Variants in TMEM116 observed in about 807,000 individuals in gnomAD.
The protein encoded by TMEM116 is transmembrane protein 116.
In TMEM116, 38 loss-of-function variants were observed where a neutral mutation model predicts 44.3. The ratio of observed to expected loss-of-function variants is 0.86; its 90% CI spans 0.66 to 1.12. The LOEUF is 1.12. Ranked by LOEUF, TMEM116 falls within the 50% of genes most tolerant of loss-of-function variation. The pLI is 0.00. For synonymous variants in TMEM116, 132 were observed against 144.8 expected, an observed-to-expected ratio of 0.91 and a Z score of 0.64; for missense variants, 354 against 401.7, an observed-to-expected ratio of 0.88 and a Z score of 1.01.
chr12:111,963,666 G>C (rs989149210), intron 4 of TMEM116, among the ~76,000 whole-genome samples: 12 of 152,108 alleles, frequency 7.9e-5, no homozygotes, highest in Non-Finnish European at 1.6e-4. Flanking sequence ...GGGCCTGTCA[G>C]GGGGTTGGGG....
intron 3 of TMEM116, 103 bp from the exon 4 acceptor site, chr12:111,991,992 C>G: frequency 7.9e-7 from 1 of 1,260,150 alleles, no homozygotes; most frequent in Non-Finnish European, 1.1e-6. Flanking sequence ...AAACTGACAT[C>G]ATTTTTCTGG....
chr12:111,970,323 G>A (rs2075258792), intron 4 of TMEM116, among the ~76,000 whole-genome samples: 2 of 151,602 alleles, frequency 1.3e-5, no homozygotes, highest in Non-Finnish European at 2.9e-5. Flanking sequence ...CTCCAAAATG[G>A]AAAACATGGG....
chr12:111,988,959 T>G (rs943909785), intron 4 of TMEM116, among the ~76,000 whole-genome samples: 3 of 152,012 alleles, frequency 2.0e-5, no homozygotes, highest in Non-Finnish European at 4.4e-5. Flanking sequence ...GCCATTGCAC[T>G]CCAGCCTGGG....
intron 4 of TMEM116, among the ~76,000 whole-genome samples, chr12:111,960,260 C>T (rs542835296): frequency 4.6e-5 from 7 of 151,870 alleles, no homozygotes; most frequent in South Asian, 4.2e-4. Flanking sequence ...GAGGCTGAGG[C>T]GGGTAGATCA....
At chr12:111,979,112 A>G (rs1241368632) in intron 4 of TMEM116, among the ~76,000 whole-genome samples, 6 of 152,206 alleles carry the variant, frequency 3.9e-5, no homozygotes, top group African/African-American at 9.7e-5. Context: ...ACCTAGATCC[A>G]TGATCCATGA....
chr12:111,977,090 C>T (rs1037203345), intron 4 of TMEM116, among the ~76,000 whole-genome samples: 3 of 152,046 alleles, frequency 2.0e-5, no homozygotes, highest in African/African-American at 7.2e-5. Flanking sequence ...AAATTAATGA[C>T]AGACACCAAA....
At chr12:111,965,745 G>A (rs774764893) in intron 4 of TMEM116, 13 of 383,902 alleles carry the variant, frequency 3.4e-5, no homozygotes, top group Middle Eastern at 5.0e-4. Context: ...CAAACATGGC[G>A]AAACCCCGTC....
chr12:111,980,260 C>T (rs963100002), intron 4 of TMEM116, among the ~76,000 whole-genome samples: 4 of 152,062 alleles, frequency 2.6e-5, no homozygotes, highest in African/African-American at 9.7e-5. Flanking sequence ...TATTAAGACA[C>T]TAAAAGACCT....
intron 4 of TMEM116, among the ~76,000 whole-genome samples, chr12:111,972,076 GAA>G (rs762088997): frequency 1.9e-4 from 11 of 57,534 alleles, no homozygotes; most frequent in African/African-American, 4.4e-4. Context: ...CCCTATCTGT[GAA>G]AAAAAAAAAA....
chr12:112,006,489 A>G (rs1463261781), intron 1 of TMEM116, among the ~76,000 whole-genome samples: 1 of 152,256 alleles, frequency 6.6e-6, no homozygotes, highest in Non-Finnish European at 1.5e-5. Flanking sequence ...TTTTAGTAAT[A>G]CTAGTGAAAA....
chr12:111,990,254 C>CA lies in TMEM116; in HGVS notation c.210+1503dup, dbSNP rs1298645737. ...TCAGCGACAGAGCGAGACTCCGCCT[C>CA]AAAAAAAAAAAAAAAGGTAACATTA... On this transcript the variant is annotated intron_variant, in intron 4 of 10. Coordinates refer to ENST00000552374, the MANE Select transcript of TMEM116 (RefSeq NM_001193531.2). 7.7e-3 allele frequency among the ~76,000 whole-genome samples: 632 copies of CA among 81,906 alleles called. 1 individual carries two copies. Among genetic ancestry groups the CA allele is most frequent in the African/African-American group, 0.022 (463 of 20,782 alleles). The allele number at this position is 81,906 out of a possible 152,430, so 53.7% of individuals were successfully genotyped here. A position where few individuals can be genotyped will look rare whatever the true frequency, so the allele number is the denominator to read the frequency against.
chr12:111,968,918 G>A (rs1171258371), intron 4 of TMEM116, among the ~76,000 whole-genome samples: 1 of 150,646 alleles, frequency 6.6e-6, no homozygotes, highest in East Asian at 1.9e-4. Flanking sequence ...GCTTCAACTC[G>A]GGAGGCGGAG....
At chr12:111,936,659 C>G (rs752621846) in intron 8 of TMEM116, 33 bp downstream of exon 8, 7 of 1,601,928 alleles carry the variant, frequency 4.4e-6, no homozygotes. Context: ...ATTTCCTCAT[C>G]TCTCCACAAA....
At chr12:111,969,703 G>A (rs902612864) in intron 4 of TMEM116, among the ~76,000 whole-genome samples, 1 of 151,978 alleles carries the variant, frequency 6.6e-6, no homozygotes, top group African/African-American at 2.4e-5. Context: ...TCAGCCTCCC[G>A]AGTAGCTGGG....
At chr12:112,010,338 G>C (rs959880793) in intron 1 of TMEM116, 6 of 152,112 alleles carry the variant, frequency 3.9e-5, no homozygotes, top group African/African-American at 1.4e-4. Flanking sequence ...TCCATTTTCT[G>C]GCCAGAAACC....
intron 3 of TMEM116, among the ~76,000 whole-genome samples, chr12:111,995,610 C>T (rs562149194): frequency 2.0e-5 from 3 of 152,020 alleles, no homozygotes; most frequent in Non-Finnish European, 2.9e-5. Flanking sequence ...TGGTGGCGGG[C>T]GCCTGTAATT....
intron 5 of TMEM116, among the ~76,000 whole-genome samples, chr12:111,941,402 A>G (rs1167631396): frequency 6.6e-6 from 1 of 151,976 alleles, no homozygotes; most frequent in Non-Finnish European, 1.5e-5. Flanking sequence ...AGTAATTATT[A>G]GTATGGAATA....
intron 3 of TMEM116, among the ~76,000 whole-genome samples, chr12:111,992,330 C>T (rs2076661736): frequency 6.6e-6 from 1 of 150,544 alleles, no homozygotes; most frequent in African/African-American, 2.4e-5. Flanking sequence ...AGTGCAGTGG[C>T]ACGATCTCGG....
intron 3 of TMEM116, among the ~76,000 whole-genome samples, chr12:111,994,038 A>C (rs1012287758): frequency 8.5e-5 from 13 of 152,204 alleles, no homozygotes; most frequent in Non-Finnish European, 1.8e-4. Context: ...ATCTCTGAAG[A>C]AGCAGCTTGG....
Sources: gnomAD v4.1 joint callset for allele counts (sites outside exome capture counted in the v4.1 genomes callset) on GRCh38, gnomAD v4.1.1 for gene constraint, MANE v1.5 for transcripts, NCBI Gene and HGNC (gene_info 2026-07-23, HGNC 2026-07-21) for gene names.